Variants in LRRFIP1 observed in about 807,000 individuals in gnomAD.
LRRFIP1 encodes the protein leucine-rich repeat flightless-interacting protein 1.
Under a neutral mutation model 104.4 loss-of-function variants are expected in LRRFIP1, and 62 were observed. The ratio of observed to expected loss-of-function variants is 0.59; its 90% CI spans 0.48 to 0.73. LRRFIP1 has a LOEUF of 0.73. Among genes scored for constraint, LRRFIP1 ranks in the 30% least tolerant of loss-of-function variants. The pLI is 0.00. For missense variants in LRRFIP1, 796 were observed against 824.5 expected, an observed-to-expected ratio of 0.97 and a Z score of 0.42; for synonymous variants, 300 against 299.0, an observed-to-expected ratio of 1.00 and a Z score of -0.03.
intron 23 of LRRFIP1, among the ~76,000 whole-genome samples, chr2:237,776,299 C>T (rs2061091320): frequency 6.6e-6 from 1 of 152,202 alleles, no homozygotes; most frequent in Non-Finnish European, 1.5e-5. Context: ...GGTCAGAGAA[C>T]ATGGTCCCTG....
chr2:237,731,360 AC>A (rs1383750637), intron 8 of LRRFIP1, among the ~76,000 whole-genome samples: 7 of 151,228 alleles, frequency 4.6e-5, no homozygotes, highest in African/African-American at 1.7e-4. Context: ...CCCTTGTCCA[AC>A]CCCTTCATGT....
Position 237,749,209 on chromosome 2 carries a change from A to G in LRRFIP1, c.680A>G (p.Asn227Ser). The change falls in exon 13 of 24, where the codon AAC becomes AGC. Residue 227 changes from asparagine to serine, a missense_variant. Transcript: ENST00000308482. ...EKDFTEKGSR[N>S]MPGLSAATLA... is the part of the protein sequence containing the mutation. ...CTCTCAACGTTCCAGGGGTCTCGTA[A>G]CATGCCGGGCCTGTCTGCAGCCACG... 1 of 1,613,324 alleles carries G rather than the reference A, an allele frequency of 6.2e-7. No homozygotes were observed.
intron 1 of LRRFIP1, among the ~76,000 whole-genome samples, chr2:237,668,035 T>C (rs897563065): frequency 6.6e-6 from 1 of 152,066 alleles, no homozygotes; most frequent in African/African-American, 2.4e-5. Context: ...ACCTGACAAC[T>C]TGACACCCCC....
intron 14 of LRRFIP1, among the ~76,000 whole-genome samples, chr2:237,752,553 G>A (rs1452014726): frequency 5.9e-5 from 9 of 152,230 alleles, no homozygotes; most frequent in African/African-American, 1.9e-4. Flanking sequence ...ACCTGAACTG[G>A]CAGCTCTTGC....
intron 1 of LRRFIP1, among the ~76,000 whole-genome samples, chr2:237,643,252 G>C (rs1316214247): frequency 6.6e-6 from 1 of 152,220 alleles, no homozygotes; most frequent in East Asian, 1.9e-4. Context: ...AATTGGAGGA[G>C]AGCTACACCA....
At chr2:237,727,355 CAAAAAA>C (rs35562237) in intron 7 of LRRFIP1, among the ~76,000 whole-genome samples, 1 of 84,726 alleles carries the variant, frequency 1.2e-5, no homozygotes, top group Admixed American at 1.2e-4. Context: ...GACTCTGTCT[CAAAAAA>C]AAAAAAAAAA....
At chr2:237,741,687 G>T (rs944206193) in intron 11 of LRRFIP1, among the ~76,000 whole-genome samples, 1 of 152,098 alleles carries the variant, frequency 6.6e-6, no homozygotes, top group African/African-American at 2.4e-5. Context: ...AATTAGCCGG[G>T]TGTAGTGGCG....
intron 20 of LRRFIP1, 107 bp downstream of exon 20, chr2:237,770,099 G>A: frequency 2.3e-6 from 2 of 874,966 alleles, no homozygotes; most frequent in South Asian, 2.9e-5. Flanking sequence ...AATCATGTCT[G>A]AAAGTCTTTA....
At position 237,757,451 on chromosome 2, in the gene LRRFIP1, C is replaced by G. The variant is rs943774789; in HGVS notation, c.1132-5C>G. 5.7e-6 allele frequency: 9 copies of G among 1,575,430 alleles called. No homozygotes were observed. Among genetic ancestry groups the G allele is most frequent in the Non-Finnish European group, 7.8e-6 (9 of 1,158,712 alleles). ...TATCTGCTTTCTGTCTGTTCCTTTC[C>G]TCAGGAAATCCGACAGCTACAGCAG... On this transcript the variant is annotated splice_region_variant and splice_polypyrimidine_tract_variant and intron_variant, in intron 16 of 23. Transcript: ENST00000308482.
intron 1 of LRRFIP1, among the ~76,000 whole-genome samples, chr2:237,681,817 C>T (rs1226393631): frequency 2.7e-5 from 4 of 147,236 alleles, no homozygotes; most frequent in Admixed American, 6.8e-5. Flanking sequence ...GTAGCTGGGA[C>T]TACAGGCGCC....
At chr2:237,672,819 T>A (rs1203068435) in intron 1 of LRRFIP1, among the ~76,000 whole-genome samples, 1 of 152,240 alleles carries the variant, frequency 6.6e-6, no homozygotes. Context: ...CTTTTAACTA[T>A]GTCCCTGATA....
intron 1 of LRRFIP1, among the ~76,000 whole-genome samples, chr2:237,697,909 T>C (rs2093298444): frequency 6.6e-6 from 1 of 152,202 alleles, no homozygotes; most frequent in Admixed American, 6.5e-5. Flanking sequence ...TGAAGATTCA[T>C]TCATCTCAGG....
chr2:237,714,271 CA>C lies in LRRFIP1; in HGVS notation c.200del (p.Lys67ArgfsTer48). 6.3e-7 allele frequency: 1 copy of C among 1,599,608 alleles called. No individual in the cohort carries two copies. The highest frequency in any genetic ancestry group is 8.5e-7 in the Non-Finnish European group (1 of 1,170,220). The part of the protein sequence containing the change: ...ERQQKEIYQV[Q>X]KKYYGLDTKW... ...TCCTTCTCTATAGATCTATCAGGTCCAAAAGGTAGGCTCTTCTTTCTTTATT... is the reference window on the plus strand; with the variant it reads ...TCCTTCTCTATAGATCTATCAGGTCCAAAGGTAGGCTCTTCTTTCTTTATT... On this transcript the variant is annotated frameshift_variant, in exon 3 of 24. Coordinates refer to ENST00000308482, the MANE Select transcript of LRRFIP1 (RefSeq NM_001137550.2). LOFTEE classifies it high-confidence loss of function.
intron 1 of LRRFIP1, among the ~76,000 whole-genome samples, chr2:237,706,388 C>A (rs1168032792): frequency 6.6e-6 from 1 of 152,148 alleles, no homozygotes; most frequent in African/African-American, 2.4e-5. Context: ...CCGGCCCCTC[C>A]TCTCTGTTCC....
intron 1 of LRRFIP1, among the ~76,000 whole-genome samples, chr2:237,634,087 T>G (rs2082761975): frequency 6.6e-6 from 1 of 152,206 alleles, no homozygotes; most frequent in African/African-American, 2.4e-5. Flanking sequence ...GGCTGGGCAG[T>G]CCTTTTAAAA....
At position 237,703,756 on chromosome 2, in the gene LRRFIP1, C is replaced by T. The variant is rs1223864314; in HGVS notation, c.97-4788C>T. On this transcript the variant is annotated intron_variant, in intron 1 of 23. Coordinates refer to ENST00000308482, the MANE Select transcript of LRRFIP1 (RefSeq NM_001137550.2). The surrounding 1 kb of genome is among the most constrained non-coding windows in gnomAD (Gnocchi z 4.3). ...TGCCTGTTTCCCTGGAGACTGGGCA[C>T]CCAAACCACATTTCAGAAATCCCTC... Among the ~76,000 whole-genome samples the T allele has an allele frequency of 1.3e-5, 2 of 152,024 alleles. No individual in the cohort carries two copies. The highest frequency in any genetic ancestry group is 1.3e-4 in the Admixed American group (2 of 15,264).
intron 1 of LRRFIP1, among the ~76,000 whole-genome samples, chr2:237,668,469 A>G (rs1457769322): frequency 6.6e-6 from 1 of 151,604 alleles, no homozygotes; most frequent in Non-Finnish European, 1.5e-5. Context: ...ATCCTTAATG[A>G]CTCCCATAGC....
At position 237,688,542 on chromosome 2, in the gene LRRFIP1, TCCA is replaced by T. The variant is rs1356371392; in HGVS notation, c.97-19999_97-19997del. ...GGCATGATCTCAGCTTACTGCAACC[TCCA>T]CCTCCTGTGTTCAAGTGATTCTCAT... On this transcript the variant is annotated intron_variant, in intron 1 of 23. Transcript: ENST00000308482. Among the ~76,000 whole-genome samples the T allele has an allele frequency of 2.8e-5, 4 of 140,488 alleles. No homozygotes were observed. The East Asian group carries it at 9.3e-4, about 33-fold the overall frequency. The allele number at this position is 140,488 out of a possible 152,430, so 92.2% of individuals were successfully genotyped here.
Position 237,703,121 on chromosome 2 carries a change from A to C in LRRFIP1, c.97-5423A>C, listed in dbSNP as rs1444762344. On this transcript the variant is annotated intron_variant, in intron 1 of 23. Transcript: ENST00000308482. The surrounding 1 kb of genome is among the most constrained non-coding windows in gnomAD (Gnocchi z 4.3). Reference sequence around the variant, plus strand: ...GGCCATGCCAAGAAGCCGCTGTTCTAATCTAATCAGTGGAGGATCCAGCAA... The same window carrying C: ...GGCCATGCCAAGAAGCCGCTGTTCTCATCTAATCAGTGGAGGATCCAGCAA... 6.6e-6 allele frequency among the ~76,000 whole-genome samples: 1 copy of C among 152,160 alleles called. No homozygotes were observed. Among genetic ancestry groups the C allele is most frequent in the African/African-American group, 2.4e-5 (1 of 41,428 alleles).
Sources: gnomAD v4.1 joint callset for allele counts (sites outside exome capture counted in the v4.1 genomes callset) on GRCh38, gnomAD v4.1.1 for gene constraint, Gnocchi (gnomAD v3.1) non-coding constraint, MANE v1.5 for transcripts, NCBI Gene and HGNC (gene_info 2026-07-23, HGNC 2026-07-21) for gene names.